Variants in KIAA1549 observed in about 807,000 individuals in gnomAD.
The protein encoded by KIAA1549 is UPF0606 protein KIAA1549.
A neutral mutation model predicts 156.4 loss-of-function variants in KIAA1549; 70 were observed. The observed-to-expected ratio is 0.45, with a 90% CI of 0.37 to 0.55. The LOEUF is 0.55. KIAA1549 is among the 20% of genes least tolerant of loss of function. KIAA1549 has a pLI of 0.00. For missense variants in KIAA1549, 2,428 were observed against 2,540.9 expected (o/e 0.96, Z 0.96); for synonymous variants, 1,103 against 1,066.4 (o/e 1.03, Z -0.67).
chr7:138,976,101 G>C (rs1338626363), intron 1 of KIAA1549, among the ~76,000 whole-genome samples: 1 of 151,944 alleles, frequency 6.6e-6, no homozygotes, highest in Non-Finnish European at 1.5e-5. Context: ...TTTTGAGATG[G>C]AGTCTTGCTC....
intron 14 of KIAA1549, among the ~76,000 whole-genome samples, chr7:138,868,715 G>A (rs537005176): frequency 6.6e-6 from 1 of 152,186 alleles, no homozygotes; most frequent in African/African-American, 2.4e-5. Context: ...TTATAGGCGT[G>A]AGCCACCACG....
At chr7:138,880,977 G>A (rs1053225288) in intron 11 of KIAA1549, among the ~76,000 whole-genome samples, 1 of 152,194 alleles carries the variant, frequency 6.6e-6, no homozygotes, top group East Asian at 1.9e-4. Context: ...TGGCATCCCA[G>A]GCATGGACAC....
intron 18 of KIAA1549, 114 bp from the exon 19 acceptor site, chr7:138,840,392 A>C (rs1375014912): frequency 4.4e-6 from 4 of 900,758 alleles, no homozygotes; most frequent in Admixed American, 5.1e-5. Flanking sequence ...CTTAATGACA[A>C]GGGATCAGGA....
intron 12 of KIAA1549, among the ~76,000 whole-genome samples, chr7:138,874,613 G>A (rs1453916785): frequency 6.6e-6 from 1 of 152,162 alleles, no homozygotes; most frequent in Non-Finnish European, 1.5e-5. Flanking sequence ...TGTGGAAGCT[G>A]GAAAGTTGAT....
intron 1 of KIAA1549, among the ~76,000 whole-genome samples, chr7:138,966,339 G>A (rs978252945): frequency 6.6e-6 from 1 of 152,032 alleles, no homozygotes; most frequent in Non-Finnish European, 1.5e-5. Context: ...CCATGAGCCA[G>A]GAACCACCTG....
At position 138,885,042 on chromosome 7, in the gene KIAA1549, A is replaced by T. The variant is rs183644048; in HGVS notation, c.4033-3458T>A. ...GAAACCTCATCTCTACTAAAAATAC[A>T]AAATTAGACGGGCGTGGTGGCACGT... On this transcript the variant is annotated intron_variant, in intron 10 of 19. Transcript: ENST00000422774. 3.9e-3 allele frequency among the ~76,000 whole-genome samples: 589 copies of T among 152,264 alleles called. 5 individuals are homozygous for T. The highest frequency in any genetic ancestry group is 0.014 in the African/African-American group (573 of 41,548).
intron 1 of KIAA1549, among the ~76,000 whole-genome samples, chr7:138,979,729 G>A (rs1202244247): frequency 6.6e-6 from 1 of 152,210 alleles, no homozygotes; most frequent in Non-Finnish European, 1.5e-5. Flanking sequence ...CTAGGTTAGA[G>A]TAAGGTGTTT....
intron 10 of KIAA1549, among the ~76,000 whole-genome samples, chr7:138,890,024 A>G (rs1338942500): frequency 1.3e-5 from 2 of 152,204 alleles, no homozygotes; most frequent in African/African-American, 4.8e-5. Context: ...AAGAATCAAG[A>G]TTAATGAGAG....
intron 1 of KIAA1549, among the ~76,000 whole-genome samples, chr7:138,963,638 C>T (rs1813921706): frequency 6.6e-6 from 1 of 152,102 alleles, no homozygotes; most frequent in Admixed American, 6.5e-5. Context: ...GCTCAAGGGG[C>T]ATATAAAACA....
intron 16 of KIAA1549, among the ~76,000 whole-genome samples, chr7:138,855,646 A>G (rs1810365678): frequency 6.6e-6 from 1 of 152,164 alleles, no homozygotes; most frequent in Admixed American, 6.5e-5. Flanking sequence ...ATCAATCCCA[A>G]TGCATATACT....
In KIAA1549 at chr7:138,832,191, CTTTTTTTTT is replaced by C. The variant is rs749938588; in HGVS notation, c.*5706_*5714del. 2.1e-5 allele frequency: 3 copies of C among 143,772 alleles called. No individual in the cohort carries two copies. Among genetic ancestry groups the C allele is most frequent in the Non-Finnish European group, 4.0e-5 (3 of 74,244 alleles). The allele number at this position is 143,772 out of a possible 1,614,324, so 8.9% of individuals were successfully genotyped here. ...TCACCTCTGTCCCTTTTACCTATTC[CTTTTTTTTT>C]TTTTTTTTTTTCCAGAGACAGGACC... On this transcript the variant is annotated 3_prime_UTR_variant, in exon 20 of 20. Transcript: ENST00000422774.
chr7:138,902,266 C>T (rs1412752943), intron 8 of KIAA1549, among the ~76,000 whole-genome samples: 2 of 152,084 alleles, frequency 1.3e-5, no homozygotes, highest in Non-Finnish European at 2.9e-5. Context: ...GGCTAGAGGA[C>T]GATGATGCAG....
At chr7:138,842,242 C>T (rs1809942317) in intron 18 of KIAA1549, among the ~76,000 whole-genome samples, 1 of 152,202 alleles carries the variant, frequency 6.6e-6, no homozygotes, top group Admixed American at 6.5e-5. Context: ...GTTCACTTAA[C>T]TATACAGCAC....
chr7:138,932,369 A>C (rs1336913839), intron 1 of KIAA1549, among the ~76,000 whole-genome samples: 1 of 152,050 alleles, frequency 6.6e-6, no homozygotes, highest in East Asian at 1.9e-4. Context: ...TGGAGAACAC[A>C]GAGAAAGACA....
At chr7:138,846,652 A>G (rs1017194145) in intron 17 of KIAA1549, among the ~76,000 whole-genome samples, 2 of 152,022 alleles carry the variant, frequency 1.3e-5, no homozygotes, top group Non-Finnish European at 2.9e-5. Flanking sequence ...TAGTAATATT[A>G]TGAAAGTTGT....
At position 138,882,318 on chromosome 7, in the gene KIAA1549, C is replaced by A. The variant is rs529128999; in HGVS notation, c.4033-734G>T. Among the ~76,000 whole-genome samples the A allele has an allele frequency of 1.1e-4, 17 of 152,154 alleles. No homozygotes were observed. In the South Asian group the frequency reaches 1.2e-3, roughly 11 times the overall value. On this transcript the variant is annotated intron_variant, in intron 10 of 19. Coordinates refer to ENST00000422774, the MANE Select transcript of KIAA1549 (RefSeq NM_001164665.2). ...CTAGAAGCCAAATAGACAAGAGAGGCAAAGGAAGAGAAAGAAGCCATTGAG... is the reference window on the plus strand; with the variant it reads ...CTAGAAGCCAAATAGACAAGAGAGGAAAAGGAAGAGAAAGAAGCCATTGAG...
At chr7:138,881,887 T>A (rs1176966466) in intron 10 of KIAA1549, among the ~76,000 whole-genome samples, 1 of 152,044 alleles carries the variant, frequency 6.6e-6, no homozygotes, top group African/African-American at 2.4e-5. Flanking sequence ...CTTTATAGGG[T>A]AATGGGGACC....
At chr7:138,880,102 A>C (rs1354658825) in intron 11 of KIAA1549, among the ~76,000 whole-genome samples, 3 of 152,234 alleles carry the variant, frequency 2.0e-5, no homozygotes, top group African/African-American at 7.2e-5. Context: ...GATCTTTGGA[A>C]GGTGCTTACA....
rs574167488 is a variant in KIAA1549 at position 138,909,725 on chromosome 7, T to C, written c.3146-604A>G. Among the ~76,000 whole-genome samples the C allele has an allele frequency of 5.9e-5, 9 of 152,268 alleles. No individual in the cohort carries two copies. In the South Asian group the frequency reaches 1.9e-3, roughly 32 times the overall value. ...ACTTTGGGAGGCTGAGGCGGGCAGA[T>C]CATTTGAGATCAGGAGTTCGAAACC... On this transcript the variant is annotated intron_variant, in intron 4 of 19. Transcript: ENST00000422774.
Sources: allele counts gnomAD v4.1 joint callset (sites outside exome capture counted in the v4.1 genomes callset), GRCh38; gene constraint gnomAD v4.1.1; transcripts MANE v1.5; gene names NCBI Gene and HGNC (gene_info 2026-07-23, HGNC 2026-07-21).